The following TRMT9B variants were observed in gnomAD, a reference collection of about 807,000 sequenced individuals.
The protein encoded by TRMT9B is tRNA methyltransferase 9B (putative).
Under a neutral mutation model 11.5 loss-of-function variants are expected in TRMT9B, and 16 were observed. That is an observed-to-expected ratio of 1.39 (90% CI 0.94 to 2.11). TRMT9B has a LOEUF of 2.11. Ranked by LOEUF, TRMT9B falls within the 30% of genes most tolerant of loss-of-function variation. TRMT9B has a pLI of 0.00. For synonymous variants in TRMT9B, 274 were observed against 192.4 expected, an observed-to-expected ratio of 1.42 and a Z score of -3.51; for missense variants, 941 against 553.8, an observed-to-expected ratio of 1.70 and a Z score of -7.02.
intron 3 of TRMT9B, among the ~76,000 whole-genome samples, chr8:13,008,823 G>T (rs1364460821): frequency 6.6e-6 from 1 of 152,138 alleles, no homozygotes; most frequent in South Asian, 2.1e-4. Flanking sequence ...CCGCCTCCCG[G>T]GTTCACGCCA....
At chr8:12,998,588 C>G (rs1808789702) in intron 2 of TRMT9B, among the ~76,000 whole-genome samples, 1 of 152,206 alleles carries the variant, frequency 6.6e-6, no homozygotes, top group Admixed American at 6.5e-5. Flanking sequence ...GTGCTAACTT[C>G]TTAGGAGGAG....
rs370063027 is a variant in TRMT9B, at chr8:13,021,795, T to C, written c.1116T>C (p.Ala372=). 663 of 1,613,804 alleles carry C rather than the reference T, an allele frequency of 4.1e-4. 2 individuals carry two copies. The Admixed American group carries it at 8.2e-3, about 20-fold the overall frequency. The change falls in exon 5 of 5, where the codon GCT becomes GCC. Residue 372 remains alanine (A), a synonymous_variant. Coordinates refer to ENST00000524591, the MANE Select transcript of TRMT9B (RefSeq NM_020844.3). ...AGNIEDDNPS[A]SKILRRISAV... Reference sequence around the variant, plus strand: ...ACATAGAAGATGATAATCCTTCTGCTAGTAAAATATTGAGAAGGATTTCTG... The same window carrying C: ...ACATAGAAGATGATAATCCTTCTGCCAGTAAAATATTGAGAAGGATTTCTG...
chr8:13,010,359 G>C (rs1282784338), intron 3 of TRMT9B: 1 of 976,068 alleles, frequency 1.0e-6, no homozygotes, highest in Non-Finnish European at 1.2e-6. Flanking sequence ...GAAAAAGAAA[G>C]AAGTTCAAAG....
chr8:12,997,905 C>T (rs894202702), intron 2 of TRMT9B, among the ~76,000 whole-genome samples: 2 of 152,194 alleles, frequency 1.3e-5, no homozygotes, highest in African/African-American at 4.8e-5. Flanking sequence ...TTTTCACCAA[C>T]ACTAGATATT....
At chr8:12,962,645 T>C (rs1342619501) in intron 1 of TRMT9B, among the ~76,000 whole-genome samples, 11 of 152,078 alleles carry the variant, frequency 7.2e-5, no homozygotes, top group African/African-American at 2.4e-5. Flanking sequence ...TGTGTGCCAC[T>C]ACACCCAGCT....
rs753173174 is a variant in TRMT9B at position 13,006,375 on chromosome 8, C to T, written c.154+19C>T. On this transcript the variant is annotated intron_variant, in intron 3 of 4. Coordinates refer to ENST00000524591, the MANE Select transcript of TRMT9B (RefSeq NM_020844.3). ...GACATAGGTAACCAGGCAGCCTCATCGCTGACATAGGTAACCAGGCAGCCT... is the reference window on the plus strand; with the variant it reads ...GACATAGGTAACCAGGCAGCCTCATTGCTGACATAGGTAACCAGGCAGCCT... 6.3e-6 allele frequency: 10 copies of T among 1,583,510 alleles called. No individual in the cohort carries two copies. Among genetic ancestry groups the T allele is most frequent in the African/African-American group, 5.4e-5 (4 of 73,988 alleles).
At chr8:12,992,667 C>A (rs1314515711) in intron 2 of TRMT9B, among the ~76,000 whole-genome samples, 1 of 151,192 alleles carries the variant, frequency 6.6e-6, no homozygotes, top group African/African-American at 2.4e-5. Context: ...GCCTGGGCAA[C>A]ATGGTGAAAA....
rs369833319 is a variant in TRMT9B at position 12,966,033 on chromosome 8, A to G, written c.-200+20067A>G. On this transcript the variant is annotated intron_variant, in intron 1 of 4. Coordinates refer to ENST00000524591, the MANE Select transcript of TRMT9B (RefSeq NM_020844.3). ...GTCTCAAAAAGAAAAAAAAAAAAAG[A>G]AGCACTCCATGGCCAGGCATGGTGA... is the stretch of plus-strand genomic sequence containing the variant. Among the ~76,000 whole-genome samples the G allele has an allele frequency of 1.7e-3, 251 of 151,422 alleles. 1 individual carries two copies. Among genetic ancestry groups the G allele is most frequent in the African/African-American group, 5.8e-3 (241 of 41,266 alleles).
At position 13,025,548 on chromosome 8, in the gene TRMT9B, T is replaced by C. The variant is rs1814594410; in HGVS notation, c.*3504T>C. On this transcript the variant is annotated 3_prime_UTR_variant, in exon 5 of 5. Coordinates refer to ENST00000524591, the MANE Select transcript of TRMT9B (RefSeq NM_020844.3). ...AAACAAAACTTTGCTGGCTTCCTGA[T>C]GCCTCACTGTCTATTTGAGGAATTC... The C allele has an allele frequency of 6.0e-6, 1 of 167,066 alleles. No homozygotes were observed. Among genetic ancestry groups the C allele is most frequent in the Non-Finnish European group, 1.5e-5 (1 of 68,174 alleles). 10.3% of individuals were successfully genotyped at this position (167,066 alleles called of 1,614,324 possible).
chr8:12,953,368 G>A (rs537476231), intron 1 of TRMT9B, among the ~76,000 whole-genome samples: 2 of 152,180 alleles, frequency 1.3e-5, no homozygotes, highest in African/African-American at 4.8e-5. Flanking sequence ...GTTTATGTTT[G>A]AGATGGAGCC....
At chr8:13,000,385 T>C (rs1006212644) in intron 2 of TRMT9B, among the ~76,000 whole-genome samples, 1 of 152,196 alleles carries the variant, frequency 6.6e-6, no homozygotes, top group African/African-American at 2.4e-5. Context: ...TTTCTACCCT[T>C]TGGAAACATG....
At chr8:12,962,456 A>T (rs1802252442) in intron 1 of TRMT9B, among the ~76,000 whole-genome samples, 1 of 151,906 alleles carries the variant, frequency 6.6e-6, no homozygotes, top group South Asian at 2.1e-4. Flanking sequence ...TCTCCTTAAG[A>T]TGATGTGTTC....
intron 1 of TRMT9B, among the ~76,000 whole-genome samples, chr8:12,947,814 C>T (rs767988548): frequency 6.6e-6 from 1 of 152,210 alleles, no homozygotes; most frequent in Non-Finnish European, 1.5e-5. Context: ...GTCCACAGGA[C>T]ATGCTAGATA....
rs145418673 is a variant in TRMT9B at position 12,999,607 on chromosome 8, T to G, written c.-1-6595T>G. ...TCATTCATGAATTCACTAAACGTAT[T>G]TAGACCTATTACATTTAGGGCCAGT... is the stretch of plus-strand genomic sequence containing the variant. On this transcript the variant is annotated intron_variant, in intron 2 of 4. Transcript: ENST00000524591. 3.0e-3 allele frequency among the ~76,000 whole-genome samples: 452 copies of G among 152,330 alleles called. 6 individuals carry two copies. The highest frequency in any genetic ancestry group is 0.01 in the Middle Eastern group (3 of 294).
chr8:12,975,053 G>A (rs936162749), intron 1 of TRMT9B, among the ~76,000 whole-genome samples: 2 of 151,058 alleles, frequency 1.3e-5, no homozygotes, highest in African/African-American at 4.9e-5. Context: ...ATATTGAAGT[G>A]TATTTTTACA....
chr8:12,956,092 C>G (rs1801266189), intron 1 of TRMT9B, among the ~76,000 whole-genome samples: 2 of 152,184 alleles, frequency 1.3e-5, no homozygotes, highest in Admixed American at 6.5e-5. Context: ...TCTTACGCTA[C>G]TCATCTCCCT....
chr8:12,994,767 C>T (rs1215445870), intron 2 of TRMT9B, among the ~76,000 whole-genome samples: 1 of 152,158 alleles, frequency 6.6e-6, no homozygotes, highest in Non-Finnish European at 1.5e-5. Flanking sequence ...CTGCAACCTC[C>T]GCCTTTCGGG....
intron 2 of TRMT9B, among the ~76,000 whole-genome samples, chr8:12,997,362 G>A (rs897820861): frequency 1.3e-5 from 2 of 151,986 alleles, no homozygotes; most frequent in Admixed American, 1.3e-4. Context: ...TGTGACACAC[G>A]TGCTCCTCAG....
At chr8:13,018,853 TACCTC>T (rs760155896) in intron 4 of TRMT9B, among the ~76,000 whole-genome samples, 1 of 152,188 alleles carries the variant, frequency 6.6e-6, no homozygotes, top group African/African-American at 2.4e-5. Context: ...CACTAAATAA[TACCTC>T]AACACTATGT....
Sources: gnomAD v4.1 joint callset for allele counts (sites outside exome capture counted in the v4.1 genomes callset) on GRCh38, gnomAD v4.1.1 for gene constraint, MANE v1.5 for transcripts, NCBI Gene and HGNC (gene_info 2026-07-23, HGNC 2026-07-21) for gene names.